EPS15: variants seen among roughly 807,000 people sequenced by gnomAD.
The protein encoded by EPS15 is epidermal growth factor receptor substrate 15.
EPS15 carries 72 observed loss-of-function variants against 113.8 expected under a neutral mutation model. The observed-to-expected ratio is 0.63, with a 90% CI of 0.52 to 0.77. The LOEUF (loss-of-function observed/expected upper bound fraction) is 0.77, where lower values mean the gene tolerates loss of function less well. Among genes scored for constraint, EPS15 ranks in the 30% least tolerant of loss-of-function variants. The probability of loss-of-function intolerance (pLI) is 0.00; values close to 1 mark genes in which losing one functional copy is unlikely to be tolerated. For missense variants in EPS15, 1,048 were observed against 1,045.8 expected (o/e 1.00, Z -0.03); for synonymous variants, 344 against 363.4 (o/e 0.95, Z 0.61).
chr1:51,373,698 C>T (rs1646717131), intron 21 of EPS15, among the ~76,000 whole-genome samples: 1 of 152,170 alleles, frequency 6.6e-6, no homozygotes, highest in South Asian at 2.1e-4. Context: ...TCCAGTTCCA[C>T]ATATTATTTA....
Position 51,355,328 on chromosome 1 carries a change from G to A in EPS15, c.*1372C>T. Reference sequence around the variant, plus strand: ...TACCACCTTGACTTGTTGACCCAGAGAATTCTAATTAGATTTTAGGTGCAT... The same window carrying A: ...TACCACCTTGACTTGTTGACCCAGAAAATTCTAATTAGATTTTAGGTGCAT... On this transcript the variant is annotated 3_prime_UTR_variant, in exon 25 of 25. Coordinates refer to ENST00000371733, the MANE Select transcript of EPS15 (RefSeq NM_001981.3). The A allele has an allele frequency of 4.7e-6, 1 of 214,544 alleles. No homozygotes were observed. The highest frequency in any genetic ancestry group is 2.3e-5 in the African/African-American group (1 of 44,304). 13.3% of individuals were successfully genotyped at this position (214,544 alleles called of 1,614,324 possible). A position where few individuals can be genotyped will look rare whatever the true frequency, so the allele number is the denominator to read the frequency against.
intron 21 of EPS15, among the ~76,000 whole-genome samples, chr1:51,367,989 G>A (rs1263259958): frequency 3.3e-5 from 5 of 152,024 alleles, no homozygotes; most frequent in East Asian, 1.9e-4. Context: ...AAAATTAGAC[G>A]GGCATGGTGG....
chr1:51,448,341 G>A (rs1002978019), intron 8 of EPS15, among the ~76,000 whole-genome samples: 2 of 152,096 alleles, frequency 1.3e-5, no homozygotes, highest in African/African-American at 2.4e-5. Flanking sequence ...TTTTTAGGAA[G>A]ATATCCTTAG....
At position 51,355,938 on chromosome 1, in the gene EPS15, T is replaced by G; in HGVS notation, c.*762A>C. ...CACTATCTATCACTTAAAATGAACA[T>G]TTTCTTACAAACTTTATTTGTAAGA... On this transcript the variant is annotated 3_prime_UTR_variant, in exon 25 of 25. Coordinates refer to ENST00000371733, the MANE Select transcript of EPS15 (RefSeq NM_001981.3). 5.2e-6 allele frequency: 1 copy of G among 192,638 alleles called. No individual in the cohort carries two copies. The highest frequency in any genetic ancestry group is 1.1e-5 in the Non-Finnish European group (1 of 92,194). The allele number at this position is 192,638 out of a possible 1,614,324, so 11.9% of individuals were successfully genotyped here. A position where few individuals can be genotyped will look rare whatever the true frequency, so the allele number is the denominator to read the frequency against.
At chr1:51,499,123 C>G (rs1644372586) in intron 1 of EPS15, among the ~76,000 whole-genome samples, 1 of 152,186 alleles carries the variant, frequency 6.6e-6, no homozygotes, top group Non-Finnish European at 1.5e-5. Flanking sequence ...GCACCTTGAT[C>G]CTAGACTTCC....
intron 21 of EPS15, among the ~76,000 whole-genome samples, chr1:51,367,467 C>T (rs537681168): frequency 2.0e-5 from 3 of 152,242 alleles, no homozygotes; most frequent in East Asian, 1.9e-4. Context: ...GCAGGAGAAT[C>T]GCTTGAACCC....
rs1009971295 is a variant in EPS15 at position 51,473,075 on chromosome 1, T to A, written c.76-127A>T. 8.6e-6 allele frequency: 6 copies of A among 698,444 alleles called. No homozygotes were observed. The East Asian group carries it at 1.3e-4, about 15-fold the overall frequency. 43.3% of individuals were successfully genotyped at this position (698,444 alleles called of 1,614,324 possible). A position where few individuals can be genotyped will look rare whatever the true frequency, so the allele number is the denominator to read the frequency against. The stretch of plus-strand genomic sequence containing the variant: ...AAGAAAGGAATGAGAATCCTTTGAC[T>A]ACCATGGGCCAAAGAATATGTGGAC... On this transcript the variant is annotated intron_variant, in intron 2 of 24. Transcript: ENST00000371733.
intron 20 of EPS15, among the ~76,000 whole-genome samples, chr1:51,396,872 TAATC>T: frequency 6.6e-6 from 1 of 151,978 alleles, no homozygotes; most frequent in East Asian, 1.9e-4. Context: ...ACTACCAACT[TAATC>T]TATCTTTTTT....
At chr1:51,486,249 C>T (rs1161111280) in intron 1 of EPS15, among the ~76,000 whole-genome samples, 2 of 149,948 alleles carry the variant, frequency 1.3e-5, no homozygotes, top group Non-Finnish European at 3.0e-5. Context: ...AACACCTCGT[C>T]TCTACTAAAA....
intron 3 of EPS15, 102 bp downstream of exon 3, chr1:51,472,750 GTTCTAAC>G: frequency 1.2e-6 from 1 of 805,412 alleles, no homozygotes; most frequent in Non-Finnish European, 2.1e-6. Flanking sequence ...CTATGACTCG[GTTCTAAC>G]TTCTAAATTT....
chr1:51,431,958 C>A (rs924582839), intron 12 of EPS15, among the ~76,000 whole-genome samples: 1 of 152,092 alleles, frequency 6.6e-6, no homozygotes, highest in African/African-American at 2.4e-5. Context: ...TAGTTAAGTG[C>A]TAAATAAATT....
At chr1:51,401,914 G>A (rs539577942) in intron 18 of EPS15, among the ~76,000 whole-genome samples, 5 of 152,190 alleles carry the variant, frequency 3.3e-5, no homozygotes, top group African/African-American at 7.2e-5. Context: ...CAACGTGGGC[G>A]GATCACGAGG....
At chr1:51,495,180 T>C (rs1275836) in intron 1 of EPS15, among the ~76,000 whole-genome samples, 4,887 of 152,286 alleles carry the variant, frequency 0.032, 109 homozygotes, top group Non-Finnish European at 0.048. Context: ...GTGACATCAC[T>C]GTGACCCTGA....
At chr1:51,471,597 C>CAATT (rs1455830574) in intron 4 of EPS15, 93 bp downstream of exon 4, 39 of 1,017,780 alleles carry the variant, frequency 3.8e-5, no homozygotes, top group Non-Finnish European at 5.2e-5. Context: ...TGGTAAAAAC[C>CAATT]AATTCTTGGC....
At chr1:51,468,333 C>T in intron 5 of EPS15, 140 bp downstream of exon 5, 4 of 673,742 alleles carry the variant, frequency 5.9e-6, no homozygotes, top group Non-Finnish European at 1.1e-5. Context: ...CAGCAGGAGC[C>T]AGTAGGGGGA....
chr1:51,457,860 T>C (rs1265441903), intron 8 of EPS15: 1 of 152,006 alleles, frequency 6.6e-6, no homozygotes, highest in Non-Finnish European at 1.5e-5. Flanking sequence ...CCACATTAAC[T>C]GGGAGGCGGG....
At chr1:51,508,310 GAA>G (rs1184294728) in intron 1 of EPS15, among the ~76,000 whole-genome samples, 6 of 137,060 alleles carry the variant, frequency 4.4e-5, no homozygotes, top group South Asian at 4.5e-4. Context: ...GAGAAAGAGA[GAA>G]AGAGAGAAAG....
At chr1:51,487,732 C>T (rs1377558110) in intron 1 of EPS15, among the ~76,000 whole-genome samples, 2 of 152,208 alleles carry the variant, frequency 1.3e-5, no homozygotes, top group East Asian at 3.9e-4. Flanking sequence ...TACCTAAACA[C>T]ATAGGAGAAG....
chr1:51,481,831 A>G (rs1024983250), intron 1 of EPS15, among the ~76,000 whole-genome samples: 2 of 152,226 alleles, frequency 1.3e-5, no homozygotes, highest in Admixed American at 1.3e-4. Flanking sequence ...TACAGTTCAA[A>G]GAGTTCCTTG....
Sources: gnomAD v4.1 joint callset for allele counts (sites outside exome capture counted in the v4.1 genomes callset) on GRCh38, gnomAD v4.1.1 for gene constraint, MANE v1.5 for transcripts, NCBI Gene and HGNC (gene_info 2026-07-23, HGNC 2026-07-21) for gene names.